GRIN2B: variants seen among roughly 807,000 people sequenced by gnomAD.
GRIN2B encodes glutamate receptor ionotropic, NMDA 2B.
A neutral mutation model predicts 114.5 loss-of-function variants in GRIN2B; 5 were observed. That is an observed-to-expected ratio of 0.04 (90% confidence interval 0.02 to 0.09). The LOEUF is 0.09. Ranked by LOEUF, GRIN2B falls within the 10% of genes least tolerant of loss-of-function variation. The pLI, the probability that GRIN2B is intolerant of heterozygous loss-of-function variation, is 1.00. For missense variants in GRIN2B, 1,108 were observed against 1,943.5 expected (o/e 0.57, Z 8.08); for synonymous variants, 787 against 745.1 (o/e 1.06, Z -0.92).
chr12:13,942,997 G>A (rs1867288262), intron 2 of GRIN2B, among the ~76,000 whole-genome samples: 1 of 152,092 alleles, frequency 6.6e-6, no homozygotes, highest in Non-Finnish European at 1.5e-5. Context: ...GGTTCATGGA[G>A]AAAAGCATCT....
intron 3 of GRIN2B, among the ~76,000 whole-genome samples, chr12:13,786,893 G>A (rs1375718011): frequency 6.6e-6 from 1 of 151,854 alleles, no homozygotes; most frequent in Non-Finnish European, 1.5e-5. Flanking sequence ...CCGTTCAAGA[G>A]TGCCTAGTCC....
At chr12:13,602,096 C>T (rs943868170) in intron 10 of GRIN2B, among the ~76,000 whole-genome samples, 2 of 152,170 alleles carry the variant, frequency 1.3e-5, no homozygotes, top group African/African-American at 4.8e-5. Flanking sequence ...ATGGAAAGGG[C>T]CAGACTGGCT....
intron 3 of GRIN2B, among the ~76,000 whole-genome samples, chr12:13,782,140 T>C (rs2136656144): frequency 6.6e-6 from 1 of 152,292 alleles, no homozygotes; most frequent in Non-Finnish European, 1.5e-5. Context: ...TTTATTCAAG[T>C]TGATGTTATA....
rs1201800249 is a variant in GRIN2B at position 13,560,494 on chromosome 12, GTTGGT to G, written c.*2284_*2288del. The stretch of plus-strand genomic sequence containing the variant: ...TTCTAGATTGCTGTTCGCTAGGTTA[GTTGGT>G]TTGGTTTTTTTGTTTGAAAGGGGTG... On this transcript the variant is annotated 3_prime_UTR_variant, in exon 14 of 14. Coordinates refer to ENST00000609686, the MANE Select transcript of GRIN2B (RefSeq NM_000834.5). 1 of 152,242 alleles carries G rather than the reference GTTGGT, an allele frequency of 6.6e-6. No homozygotes were observed. The highest frequency in any genetic ancestry group is 1.5e-5 in the Non-Finnish European group (1 of 68,078). 9.4% of individuals were successfully genotyped at this position (152,242 alleles called of 1,614,324 possible). A position where few individuals can be genotyped will look rare whatever the true frequency, so the allele number is the denominator to read the frequency against.
chr12:13,627,752 G>T (rs1168375163), intron 5 of GRIN2B, among the ~76,000 whole-genome samples: 1 of 152,198 alleles, frequency 6.6e-6, no homozygotes, highest in Non-Finnish European at 1.5e-5. Flanking sequence ...GCCTTGTGGG[G>T]GTGCTTGGAC....
At chr12:13,623,548 G>A (rs141797432) in intron 5 of GRIN2B, among the ~76,000 whole-genome samples, 98 of 152,282 alleles carry the variant, frequency 6.4e-4, no homozygotes, top group Admixed American at 1.6e-3. Context: ...CACAGTGAGC[G>A]CAAGCACCTT....
At chr12:13,618,635 A>C (rs1949475641) in intron 5 of GRIN2B, among the ~76,000 whole-genome samples, 2 of 152,162 alleles carry the variant, frequency 1.3e-5, no homozygotes, top group South Asian at 4.1e-4. Context: ...CAAAAATTTC[A>C]ACAATCTCTC....
chr12:13,850,509 G>T (rs1233023252), intron 3 of GRIN2B, among the ~76,000 whole-genome samples: 1 of 152,162 alleles, frequency 6.6e-6, no homozygotes, highest in Non-Finnish European at 1.5e-5. Context: ...CCATCAGACT[G>T]GGGGTGGACC....
At position 13,548,624 on chromosome 12, in the gene GRIN2B, A is replaced by G. The variant is rs1228198447; in HGVS notation, c.*14159T>C. ...GATCCAGGTATCTGTAATGACACTC[A>G]TGAAAAAGATGAAGTCACCACGGAG... On this transcript the variant is annotated 3_prime_UTR_variant, in exon 14 of 14. Transcript: ENST00000609686. The G allele has an allele frequency of 6.6e-6, 1 of 152,132 alleles. No individual in the cohort carries two copies. The highest frequency in any genetic ancestry group is 1.5e-5 in the Non-Finnish European group (1 of 68,014). The allele number at this position is 152,132 out of a possible 1,614,324, so 9.4% of individuals were successfully genotyped here.
At chr12:13,607,598 T>G (rs1487287876) in intron 10 of GRIN2B, among the ~76,000 whole-genome samples, 1 of 146,832 alleles carries the variant, frequency 6.8e-6, no homozygotes, top group Non-Finnish European at 1.5e-5. Context: ...TATCTCCTCC[T>G]TTTCATTCTT....
At chr12:13,807,709 CTTTTTTTTTTTT>C (rs71067726) in intron 3 of GRIN2B, among the ~76,000 whole-genome samples, 1 of 77,388 alleles carries the variant, frequency 1.3e-5, no homozygotes, top group African/African-American at 4.8e-5. Context: ...AAGCAGAAGG[CTTTTTTTTTTTT>C]TTTTTTTTTT....
intron 2 of GRIN2B, among the ~76,000 whole-genome samples, chr12:13,867,856 CA>C (rs1271915888): frequency 6.8e-6 from 1 of 146,774 alleles, no homozygotes; most frequent in Non-Finnish European, 1.5e-5. Flanking sequence ...AGCATACAAT[CA>C]AGGTTGAAAA....
intron 5 of GRIN2B, among the ~76,000 whole-genome samples, chr12:13,645,965 G>C (rs1949758102): frequency 6.6e-6 from 1 of 152,098 alleles, no homozygotes; most frequent in Non-Finnish European, 1.5e-5. Flanking sequence ...ATGATTAGAA[G>C]AAACTCAAAG....
intron 4 of GRIN2B, among the ~76,000 whole-genome samples, chr12:13,701,849 T>C (rs1276436248): frequency 6.6e-6 from 1 of 152,210 alleles, no homozygotes; most frequent in East Asian, 1.9e-4. Flanking sequence ...GTTCTTTGGA[T>C]AAAAGACAAA....
chr12:13,639,394 A>C (rs1249439711), intron 5 of GRIN2B, among the ~76,000 whole-genome samples: 2 of 152,176 alleles, frequency 1.3e-5, no homozygotes, highest in African/African-American at 4.8e-5. Flanking sequence ...TTCTAATGCC[A>C]GATAAATCCT....
At chr12:13,875,896 G>A (rs899420655) in intron 2 of GRIN2B, among the ~76,000 whole-genome samples, 3 of 152,120 alleles carry the variant, frequency 2.0e-5, no homozygotes, top group African/African-American at 7.2e-5. Context: ...TAGGAGACAG[G>A]ATCCAACACA....
chr12:13,891,008 C>G (rs568484357), intron 2 of GRIN2B, among the ~76,000 whole-genome samples: 1 of 152,162 alleles, frequency 6.6e-6, no homozygotes, highest in Non-Finnish European at 1.5e-5. Flanking sequence ...AGCCAATCTC[C>G]GCTCCCTATC....
Position 13,547,981 on chromosome 12 carries a change from A to ATTTTTTTTTT in GRIN2B, c.*14792_*14801dup, listed in dbSNP as rs57206826. 1.6e-4 allele frequency: 11 copies of ATTTTTTTTTT among 68,572 alleles called. No individual in the cohort carries two copies. Among genetic ancestry groups the ATTTTTTTTTT allele is most frequent in the South Asian group, 7.2e-4 (1 of 1,380 alleles). 4.2% of individuals were successfully genotyped at this position (68,572 alleles called of 1,614,324 possible). ...TGTGTATATATATATATATATATATATTTTTTTTTTTTTTCTGAAAGCTAC... is the reference window on the plus strand; with the variant it reads ...TGTGTATATATATATATATATATATATTTTTTTTTTTTTTTTTTTTTTTTCTGAAAGCTAC... On this transcript the variant is annotated 3_prime_UTR_variant, in exon 14 of 14. Transcript: ENST00000609686.
chr12:13,678,393 G>A (rs182408411), intron 4 of GRIN2B, among the ~76,000 whole-genome samples: 7 of 152,136 alleles, frequency 4.6e-5, no homozygotes, highest in Admixed American at 2.6e-4. Flanking sequence ...GTCAACAAGG[G>A]TCCAGTATGA....
Sources: allele counts gnomAD v4.1 joint callset (sites outside exome capture counted in the v4.1 genomes callset), GRCh38; gene constraint gnomAD v4.1.1; transcripts MANE v1.5; gene names NCBI Gene and HGNC (gene_info 2026-07-23, HGNC 2026-07-21).